ARHGAP22: variants seen among roughly 807,000 people sequenced by gnomAD.
ARHGAP22 encodes the protein rho GTPase-activating protein 22.
Under a neutral mutation model 59.1 loss-of-function variants are expected in ARHGAP22, and 48 were observed. That is an observed-to-expected ratio of 0.81 (90% CI 0.64 to 1.03). The LOEUF is 1.03. Ranked by LOEUF, ARHGAP22 falls within the 50% of genes least tolerant of loss-of-function variation. The pLI is 0.00. For missense variants in ARHGAP22, 1,015 were observed against 958.7 expected (o/e 1.06, Z -0.78); for synonymous variants, 445 against 416.4 (o/e 1.07, Z -0.84).
chr10:48,508,359 T>G (rs146269187), intron 3 of ARHGAP22, among the ~76,000 whole-genome samples: 167 of 152,326 alleles, frequency 1.1e-3, no homozygotes, highest in African/African-American at 3.8e-3. Flanking sequence ...GGCTATACTT[T>G]TAGAAAACTC....
intron 3 of ARHGAP22, among the ~76,000 whole-genome samples, chr10:48,522,525 G>A (rs964682870): frequency 1.3e-5 from 2 of 152,164 alleles, no homozygotes; most frequent in Non-Finnish European, 1.5e-5. Flanking sequence ...TTGCTTTTGG[G>A]ACACTCTTTA....
chr10:48,529,741 G>A (rs1303742747), intron 3 of ARHGAP22, among the ~76,000 whole-genome samples: 2 of 152,010 alleles, frequency 1.3e-5, no homozygotes, highest in Admixed American at 6.5e-5. Flanking sequence ...GCATGGTACT[G>A]GTATAAAAAT....
intron 2 of ARHGAP22, among the ~76,000 whole-genome samples, chr10:48,561,124 A>G (rs2057660619): frequency 6.6e-6 from 1 of 152,210 alleles, no homozygotes; most frequent in Non-Finnish European, 1.5e-5. Flanking sequence ...ATGAGATATT[A>G]GCATTAAAAT....
intron 2 of ARHGAP22, among the ~76,000 whole-genome samples, chr10:48,573,919 G>A (rs2058549848): frequency 6.6e-6 from 1 of 152,150 alleles, no homozygotes; most frequent in African/African-American, 2.4e-5. Context: ...ACCTTTTTGA[G>A]CCCCACATTC....
upstream of ARHGAP22, among the ~76,000 whole-genome samples, chr10:48,655,317 A>T (rs559842240): frequency 1.4e-5 from 2 of 146,066 alleles, no homozygotes; most frequent in African/African-American, 5.2e-5. Context: ...AATTTTTATC[A>T]GGAACCACCT....
intron 3 of ARHGAP22, among the ~76,000 whole-genome samples, chr10:48,500,725 T>C (rs2051424221): frequency 6.6e-6 from 1 of 151,956 alleles, no homozygotes; most frequent in Non-Finnish European, 1.5e-5. Flanking sequence ...ACCCCGTCTC[T>C]ACTAAAAATA....
chr10:48,498,649 G>C (rs2051191180), intron 3 of ARHGAP22, among the ~76,000 whole-genome samples: 1 of 152,152 alleles, frequency 6.6e-6, no homozygotes, highest in Non-Finnish European at 1.5e-5. Flanking sequence ...TACAATTCTA[G>C]CTGGCGTAAG....
intron 2 of ARHGAP22, 131 bp downstream of exon 2, chr10:48,582,822 G>T (rs2059198130): frequency 1.7e-5 from 18 of 1,072,064 alleles, no homozygotes; most frequent in Non-Finnish European, 2.3e-5. Flanking sequence ...AAATTACTTT[G>T]GAAATCCTGG....
chr10:48,479,483 CTGG>C, intron 4 of ARHGAP22, 150 bp downstream of exon 4: 1 of 1,423,732 alleles, frequency 7.0e-7, no homozygotes, highest in Non-Finnish European at 9.5e-7. Context: ...CTCCCGAGGG[CTGG>C]CAGTGGAAGG....
In ARHGAP22 at chr10:48,620,076, C is replaced by A. The variant is rs540460779; in HGVS notation, c.52+32158G>T. Among the ~76,000 whole-genome samples, 3 of 152,310 alleles carry A rather than the reference C, an allele frequency of 2.0e-5. No individual in the cohort carries two copies. The South Asian group carries it at 6.2e-4, about 32-fold the overall frequency. On this transcript the variant is annotated intron_variant, in intron 1 of 9. Transcript: ENST00000435790. ...GCAAACTATTCTAATGTGTGATACACTTTAGTGTATTACCTTTGATCAGTA... is the reference window on the plus strand; with the variant it reads ...GCAAACTATTCTAATGTGTGATACAATTTAGTGTATTACCTTTGATCAGTA...
At chr10:48,655,112 C>CTTTTCTTTTCTTTTCTTT (rs1554968198), upstream of ARHGAP22, among the ~76,000 whole-genome samples, 2 of 34,172 alleles carry the variant, frequency 5.9e-5, no homozygotes, top group South Asian at 9.1e-4. Flanking sequence ...CTCTTCTCTT[C>CTTTTCTTTTCTTTTCTTT]TCTTTCCTCT....
Position 48,450,612 on chromosome 10 carries a change from C to G in ARHGAP22, c.1517G>C (p.Ser506Thr). The change falls in exon 9 of 10, where the codon AGC becomes ACC. Residue 506 changes from serine to threonine, a missense_variant. By Grantham distance (58) the Ser-to-Thr change is moderately conservative (BLOSUM62 1). Transcript: ENST00000249601. ...PAPGLVPGIP[S>T]VASMAWSGAS... ...CCCGGACCACGCCATACTGGCCACG[C>G]TGGGTATGCCGGGGACCAGGCCCGG... is the stretch of plus-strand genomic sequence containing the variant. The G allele has an allele frequency of 6.5e-7, 1 of 1,548,486 alleles. No individual in the cohort carries two copies. The highest frequency in any genetic ancestry group is 8.7e-7 in the Non-Finnish European group (1 of 1,146,788).
chr10:48,490,351 G>T (rs1359545973), intron 3 of ARHGAP22, among the ~76,000 whole-genome samples: 1 of 152,120 alleles, frequency 6.6e-6, no homozygotes, highest in East Asian at 1.9e-4. Flanking sequence ...GGCCTGTCCT[G>T]TGCATAGCAG....
intron 1 of ARHGAP22, among the ~76,000 whole-genome samples, chr10:48,596,105 A>G (rs1049626424): frequency 5.3e-5 from 8 of 152,238 alleles, no homozygotes; most frequent in East Asian, 1.9e-4. Flanking sequence ...ATTTTAATCA[A>G]TGCTTCCTGG....
chr10:48,523,281 T>C (rs1440156095), intron 3 of ARHGAP22, among the ~76,000 whole-genome samples: 1 of 152,224 alleles, frequency 6.6e-6, no homozygotes, highest in Admixed American at 6.5e-5. Context: ...GGAATCTGCA[T>C]GCTTAATAAG....
chr10:48,605,117 G>T, upstream of ARHGAP22: 1 of 1,244,710 alleles, frequency 8.0e-7, no homozygotes, highest in Non-Finnish European at 1.0e-6. Flanking sequence ...GGGCGCACGC[G>T]TGGCTGTCCA....
intron 1 of ARHGAP22, among the ~76,000 whole-genome samples, chr10:48,642,002 A>G (rs2062068180): frequency 6.6e-6 from 1 of 152,238 alleles, no homozygotes; most frequent in South Asian, 2.1e-4. Flanking sequence ...TTCAAAGAGA[A>G]TAAAATACCT....
chr10:48,479,351 AGGCGGAGGTGT>A (rs1460231019), intron 4 of ARHGAP22: 3 of 515,878 alleles, frequency 5.8e-6, no homozygotes, highest in African/African-American at 2.0e-5. Context: ...AGATGAGGGA[AGGCGGAGGTGT>A]GGCCTATCCT....
chr10:48,517,247 T>C (rs928259148), intron 3 of ARHGAP22, among the ~76,000 whole-genome samples: 11 of 152,200 alleles, frequency 7.2e-5, no homozygotes, highest in African/African-American at 2.7e-4. Context: ...TTAATTTCTA[T>C]AATACATGAA....
Sources: gnomAD v4.1 joint callset for allele counts (sites outside exome capture counted in the v4.1 genomes callset) on GRCh38, gnomAD v4.1.1 for gene constraint, MANE v1.5 for transcripts, NCBI Gene and HGNC (gene_info 2026-07-23, HGNC 2026-07-21) for gene names.